Variants in GALNT8 observed in about 807,000 individuals in gnomAD.
GALNT8 encodes the protein polypeptide N-acetylgalactosaminyltransferase 8, also known as probable polypeptide N-acetylgalactosaminyltransferase 8.
A neutral mutation model predicts 62.7 loss-of-function variants in GALNT8; 66 were observed. That is an observed-to-expected ratio of 1.05 (90% CI 0.86 to 1.29). The LOEUF (loss-of-function observed/expected upper bound fraction) is 1.29. Ranked by LOEUF, GALNT8 falls within the 50% of genes most tolerant of loss-of-function variation. The probability of loss-of-function intolerance (pLI) is 0.00; values close to 1 mark genes in which losing one functional copy is unlikely to be tolerated. For missense variants in GALNT8, 771 were observed against 791.8 expected, an observed-to-expected ratio of 0.97 and a Z score of 0.32; for synonymous variants, 288 against 294.3, an observed-to-expected ratio of 0.98 and a Z score of 0.22.
At position 4,761,076 on chromosome 12, in the gene GALNT8, G is replaced by T; in HGVS notation, c.1292G>T (p.Arg431Leu). The T allele has an allele frequency of 6.2e-7, 1 of 1,614,082 alleles. No homozygotes were observed. The highest frequency in any genetic ancestry group is 8.5e-7 in the Non-Finnish European group (1 of 1,180,016). The change falls in exon 7 of 11, where the codon CGA becomes CTA. Residue 431 changes from arginine to leucine, a missense_variant. Transcript: ENST00000252318. ...LTAALKRNAL[R>L]VAEIWMDEHK... ...GCTGCCTTGAAGCGCAATGCTCTGCGAGTGGCCGAAATCTGGATGGATGAG... is the reference window on the plus strand; with the variant it reads ...GCTGCCTTGAAGCGCAATGCTCTGCTAGTGGCCGAAATCTGGATGGATGAG...
intron 6 of GALNT8, among the ~76,000 whole-genome samples, chr12:4,756,443 C>T (rs1240699677): frequency 6.6e-6 from 1 of 152,168 alleles, no homozygotes; most frequent in Non-Finnish European, 1.5e-5. Context: ...GGTTTACACT[C>T]AATAAATGTT....
chr12:4,735,344 G>A lies in GALNT8; in HGVS notation c.510-3819G>A, dbSNP rs890972401. Among the ~76,000 whole-genome samples, 23 of 152,230 alleles carry A rather than the reference G, an allele frequency of 1.5e-4. No homozygotes were observed. In the East Asian group the frequency reaches 1.5e-3, roughly 10 times the overall value. On this transcript the variant is annotated intron_variant, in intron 2 of 10. Transcript: ENST00000252318. ...CAGGAGTCTGTGGCATTGGAGCCGT[G>A]ACTTGTTCCCCCTACCCACCGTCAG...
chr12:4,750,783 C>G (rs1473438695), intron 6 of GALNT8, among the ~76,000 whole-genome samples: 2 of 152,156 alleles, frequency 1.3e-5, no homozygotes, highest in African/African-American at 4.8e-5. Flanking sequence ...AATTCACACT[C>G]CCATCAACAG....
At chr12:4,768,755 C>T (rs1410882544) in intron 10 of GALNT8, among the ~76,000 whole-genome samples, 1 of 152,174 alleles carries the variant, frequency 6.6e-6, no homozygotes, top group Non-Finnish European at 1.5e-5. Context: ...AATCCTTTTC[C>T]ATCCATCTTA....
chr12:4,768,275 A>C (rs1323772477), intron 10 of GALNT8, among the ~76,000 whole-genome samples: 1 of 152,214 alleles, frequency 6.6e-6, no homozygotes, highest in Non-Finnish European at 1.5e-5. Context: ...TATACACAGA[A>C]TCTTTGGCAA....
In GALNT8 at chr12:4,772,678, C is replaced by T; in HGVS notation, c.*81C>T. 8.9e-7 allele frequency: 1 copy of T among 1,126,792 alleles called. No individual in the cohort carries two copies. Among genetic ancestry groups the T allele is most frequent in the Non-Finnish European group, 1.3e-6 (1 of 764,872 alleles). The allele number at this position is 1,126,792 out of a possible 1,614,324, so 69.8% of individuals were successfully genotyped here. ...CTCCTAACACTCCCAGCTTCTTTCT[C>T]AATGAGAAAGAAAGCATGTGTATGT... On this transcript the variant is annotated 3_prime_UTR_variant, in exon 11 of 11. Transcript: ENST00000252318.
intron 1 of GALNT8, among the ~76,000 whole-genome samples, chr12:4,722,549 T>G (rs1255795593): frequency 6.6e-6 from 1 of 152,238 alleles, no homozygotes; most frequent in East Asian, 1.9e-4. Flanking sequence ...TTCTGGGGTT[T>G]GTTTGTGATT....
intron 6 of GALNT8, among the ~76,000 whole-genome samples, chr12:4,751,944 CAT>C (rs1946323845): frequency 6.6e-6 from 1 of 152,106 alleles, no homozygotes; most frequent in African/African-American, 2.4e-5. Context: ...GTGTTGGGTG[CAT>C]ATATATTTAA....
intron 2 of GALNT8, among the ~76,000 whole-genome samples, chr12:4,735,234 A>AT (rs976761037): frequency 2.6e-5 from 4 of 151,908 alleles, no homozygotes; most frequent in East Asian, 3.9e-4. Flanking sequence ...AATTATTTAA[A>AT]TTTTTTTTTA....
chr12:4,763,558 G>T (rs944089995), intron 8 of GALNT8, among the ~76,000 whole-genome samples, 168 bp downstream of exon 8: 3 of 151,984 alleles, frequency 2.0e-5, no homozygotes, highest in African/African-American at 7.3e-5. Context: ...CTTGCTCCCC[G>T]ATCCCCATCT....
intron 1 of GALNT8, among the ~76,000 whole-genome samples, chr12:4,724,927 C>T (rs528592525): frequency 3.9e-5 from 6 of 152,302 alleles, no homozygotes; most frequent in South Asian, 2.1e-4. Context: ...TGCTGTGGCA[C>T]GAGATGCATC....
rs763177306 is a variant in GALNT8, at chr12:4,735,341, C to T, written c.510-3822C>T. The stretch of plus-strand genomic sequence containing the variant: ...CAGCAGGAGTCTGTGGCATTGGAGC[C>T]GTGACTTGTTCCCCCTACCCACCGT... On this transcript the variant is annotated intron_variant, in intron 2 of 10. Coordinates refer to ENST00000252318, the MANE Select transcript of GALNT8 (RefSeq NM_017417.2). 3.1e-4 allele frequency among the ~76,000 whole-genome samples: 47 copies of T among 152,132 alleles called. 1 individual carries two copies. Among genetic ancestry groups the T allele is most frequent in the Admixed American group, 8.5e-4 (13 of 15,286 alleles).
chr12:4,745,069 T>C (rs960780534), intron 4 of GALNT8, among the ~76,000 whole-genome samples: 3 of 152,194 alleles, frequency 2.0e-5, no homozygotes, highest in African/African-American at 7.2e-5. Context: ...CTATGTTCTT[T>C]AGAGAATGTG....
At chr12:4,736,726 A>G (rs1946247005) in intron 2 of GALNT8, among the ~76,000 whole-genome samples, 1 of 152,202 alleles carries the variant, frequency 6.6e-6, no homozygotes. Flanking sequence ...GCAAATTACA[A>G]TGACATCTAC....
rs548099090 is a variant in GALNT8 at position 4,758,300 on chromosome 12, T to A, written c.1174-2658T>A. 9.2e-5 allele frequency among the ~76,000 whole-genome samples: 14 copies of A among 152,212 alleles called. No homozygotes were observed. The East Asian group carries it at 2.7e-3, about 29-fold the overall frequency. The stretch of plus-strand genomic sequence containing the variant: ...GCTTTATTCTGACATCTAGTGGCCA[T>A]GACAGGGATGGTGCTCATCAATGTG... On this transcript the variant is annotated intron_variant, in intron 6 of 10. Coordinates refer to ENST00000252318, the MANE Select transcript of GALNT8 (RefSeq NM_017417.2).
At chr12:4,754,803 A>C (rs778060464) in intron 6 of GALNT8, among the ~76,000 whole-genome samples, 1 of 152,106 alleles carries the variant, frequency 6.6e-6, no homozygotes, top group Non-Finnish European at 1.5e-5. Flanking sequence ...CTCTTCACCT[A>C]GCAGGTGATA....
chr12:4,770,550 T>C (rs1242350747), intron 10 of GALNT8, among the ~76,000 whole-genome samples: 5 of 152,122 alleles, frequency 3.3e-5, no homozygotes, highest in African/African-American at 2.4e-5. Context: ...CCAAGAGTTA[T>C]TGAATACATA....
intron 6 of GALNT8, among the ~76,000 whole-genome samples, chr12:4,759,661 C>T (rs776351752): frequency 1.3e-5 from 2 of 151,912 alleles, no homozygotes; most frequent in East Asian, 1.9e-4. Flanking sequence ...GATAATGAGA[C>T]TGACTACTCA....
At chr12:4,741,149 T>C (rs913008007) in intron 3 of GALNT8, among the ~76,000 whole-genome samples, 1 of 152,210 alleles carries the variant, frequency 6.6e-6, no homozygotes, top group Non-Finnish European at 1.5e-5. Context: ...AAGTACCAGA[T>C]AGGTTATTGT....
Sources: allele counts gnomAD v4.1 joint callset (sites outside exome capture counted in the v4.1 genomes callset), GRCh38; gene constraint gnomAD v4.1.1; transcripts MANE v1.5; gene names NCBI Gene and HGNC (gene_info 2026-07-23, HGNC 2026-07-21).